RNF220: variants seen among roughly 807,000 people sequenced by gnomAD.
RNF220 encodes the protein E3 ubiquitin-protein ligase RNF220.
In RNF220, 7 loss-of-function variants were observed where a neutral mutation model predicts 67.1. The ratio of observed to expected loss-of-function variants is 0.10; its 90% CI spans 0.06 to 0.20. The LOEUF is 0.20. Ranked by LOEUF, RNF220 falls within the 10% of genes least tolerant of loss-of-function variation. The pLI is 1.00. For missense variants in RNF220, 565 were observed against 740.3 expected, an observed-to-expected ratio of 0.76 and a Z score of 2.75; for synonymous variants, 270 against 283.2, an observed-to-expected ratio of 0.95 and a Z score of 0.47.
At chr1:44,611,032 G>A (rs1435973558) in intron 2 of RNF220, among the ~76,000 whole-genome samples, 1 of 152,198 alleles carries the variant, frequency 6.6e-6, no homozygotes, top group African/African-American at 2.4e-5. Context: ...CATTAAACCT[G>A]GGCAGGCCAT....
chr1:44,614,294 C>T lies in RNF220; in HGVS notation c.755C>T (p.Ser252Leu), dbSNP rs1200318285. The T allele has an allele frequency of 3.7e-6, 6 of 1,613,578 alleles. No homozygotes were observed. Among genetic ancestry groups the T allele is most frequent in the East Asian group, 2.2e-5 (1 of 44,868 alleles). Residue 252 changes from serine (S) to leucine (L), a missense_variant, in exon 3 of 15, where the codon TCG becomes TTG. Transcript: ENST00000361799. The stretch of plus-strand genomic sequence containing the variant: ...CTGGAGCAGCTAGCCCAACTGCCCT[C>T]GAGGTAAGCCACCTCCCAGGGAGCC... The part of the protein sequence containing the change: ...QELEQLAQLP[S>L]SKNSLLKDAM...
intron 8 of RNF220, among the ~76,000 whole-genome samples, chr1:44,640,646 C>T (rs1644461433): frequency 6.6e-6 from 1 of 152,232 alleles, no homozygotes; most frequent in Non-Finnish European, 1.5e-5. Context: ...CACACGCCAA[C>T]TCCCTGCCTC....
At chr1:44,459,906 T>A (rs1557946570) in intron 2 of RNF220, among the ~76,000 whole-genome samples, 4 of 152,098 alleles carry the variant, frequency 2.6e-5, no homozygotes. Context: ...ACCGAAACAG[T>A]CAGGAAGTCA....
chr1:44,639,508 C>CT (rs1644427241), intron 8 of RNF220, among the ~76,000 whole-genome samples: 1 of 152,248 alleles, frequency 6.6e-6, no homozygotes, highest in African/African-American at 2.4e-5. Flanking sequence ...AAGCCTGCAG[C>CT]TGTATCTTTA....
At chr1:44,431,326 C>G (rs993008303) in intron 2 of RNF220, among the ~76,000 whole-genome samples, 2 of 151,870 alleles carry the variant, frequency 1.3e-5, no homozygotes, top group Admixed American at 6.6e-5. Context: ...CCTGTCTCTT[C>G]TAAAAATACA....
intron 2 of RNF220, among the ~76,000 whole-genome samples, chr1:44,561,884 T>C (rs1405883776): frequency 6.6e-6 from 1 of 152,024 alleles, no homozygotes; most frequent in African/African-American, 2.4e-5. Context: ...GCCTCTGCAC[T>C]CCAGCCTGGT....
At chr1:44,464,845 G>T (rs543487201) in intron 2 of RNF220, among the ~76,000 whole-genome samples, 2 of 152,136 alleles carry the variant, frequency 1.3e-5, no homozygotes, top group Admixed American at 6.5e-5. Flanking sequence ...CCTTGTCTCT[G>T]GTCTCATCCT....
intron 2 of RNF220, among the ~76,000 whole-genome samples, chr1:44,451,042 G>A (rs1652617875): frequency 1.3e-5 from 2 of 152,134 alleles, no homozygotes; most frequent in South Asian, 2.1e-4. Context: ...AATTAGCGGG[G>A]CGTGGTGGCG....
intron 2 of RNF220, among the ~76,000 whole-genome samples, chr1:44,505,137 G>T (rs530542382): frequency 6.6e-6 from 1 of 152,244 alleles, no homozygotes; most frequent in South Asian, 2.1e-4. Context: ...TTTGTCCCTC[G>T]TGCAGCATCA....
chr1:44,415,504 T>TAC lies in RNF220; in HGVS notation c.625+2801_625+2802dup, dbSNP rs386366838. ...CCAAATTAACCATATATGGTTGATA[T>TAC]ACACACACACACACACACACGTGTA... On this transcript the variant is annotated intron_variant, in intron 2 of 14. Transcript: ENST00000361799. Among the ~76,000 whole-genome samples, 520 of 150,960 alleles carry TAC rather than the reference T, an allele frequency of 3.4e-3. 1 individual carries two copies. The highest frequency in any genetic ancestry group is 0.02 in the East Asian group (103 of 5,118).
chr1:44,567,158 G>C (rs1387048420), intron 2 of RNF220, among the ~76,000 whole-genome samples: 1 of 152,184 alleles, frequency 6.6e-6, no homozygotes, highest in Non-Finnish European at 1.5e-5. Context: ...TTCCTTATCA[G>C]GGTGCGGGAG....
intron 2 of RNF220, among the ~76,000 whole-genome samples, chr1:44,467,496 C>A (rs1007846397): frequency 2.0e-5 from 3 of 152,228 alleles, no homozygotes; most frequent in Admixed American, 6.5e-5. Context: ...CAGGCGTGAG[C>A]CACCGCACCT....
intron 2 of RNF220, among the ~76,000 whole-genome samples, chr1:44,448,232 G>C (rs1011262914): frequency 2.0e-5 from 3 of 152,252 alleles, no homozygotes; most frequent in Non-Finnish European, 2.9e-5. Context: ...CTGCGAGGCA[G>C]AGGTTGCAGT....
intron 5 of RNF220, among the ~76,000 whole-genome samples, chr1:44,630,129 G>A (rs1644073878): frequency 6.6e-6 from 1 of 152,114 alleles, no homozygotes; most frequent in Non-Finnish European, 1.5e-5. Flanking sequence ...ATAGAGACAG[G>A]GTCTCACTAT....
rs1241856920 is a variant in RNF220, at chr1:44,417,383, T to C, written c.625+4661T>C. On this transcript the variant is annotated intron_variant, in intron 2 of 14. Transcript: ENST00000361799. The surrounding 1 kb of genome is among the most constrained non-coding windows in gnomAD (Gnocchi z 4.0). ...ATTGTCTTGTTGGGATAAAGAAATG[T>C]TTGCACAGCTAAAGTGGGGCCAGGC... 6.6e-6 allele frequency among the ~76,000 whole-genome samples: 1 copy of C among 151,330 alleles called. No individual in the cohort carries two copies. The highest frequency in any genetic ancestry group is 1.5e-5 in the Non-Finnish European group (1 of 67,344).
At chr1:44,526,426 AC>A (rs1177066531) in intron 2 of RNF220, among the ~76,000 whole-genome samples, 1 of 151,998 alleles carries the variant, frequency 6.6e-6, no homozygotes, top group East Asian at 1.9e-4. Flanking sequence ...TCCCTCCCTA[AC>A]CTTGGCCTCA....
rs1663966975 is a variant in RNF220 at position 44,565,929 on chromosome 1, C to T, written c.626-48236C>T. On this transcript the variant is annotated intron_variant, in intron 2 of 14. Transcript: ENST00000361799. The surrounding 1 kb of genome is among the most constrained non-coding windows in gnomAD (Gnocchi z 4.2). ...TGCTGCTTCTCACTCCCCACCTCAG[C>T]CTCTCGCCCTCCCTCTCTGCTCCAC... Among the ~76,000 whole-genome samples, 1 of 152,150 alleles carries T rather than the reference C, an allele frequency of 6.6e-6. No homozygotes were observed. Among genetic ancestry groups the T allele is most frequent in the Admixed American group, 6.5e-5 (1 of 15,274 alleles).
chr1:44,642,037 T>C (rs751737076), intron 8 of RNF220, among the ~76,000 whole-genome samples: 1 of 152,252 alleles, frequency 6.6e-6, no homozygotes, highest in African/African-American at 2.4e-5. Context: ...GTTTAGCCAG[T>C]ACTGCTGGGG....
intron 2 of RNF220, among the ~76,000 whole-genome samples, chr1:44,566,092 C>T (rs1663985735): frequency 6.6e-6 from 1 of 152,188 alleles, no homozygotes; most frequent in Admixed American, 6.5e-5. Context: ...TGTTCAGTTA[C>T]TCTGTCCCTC....
Sources: allele counts gnomAD v4.1 joint callset (sites outside exome capture counted in the v4.1 genomes callset), GRCh38; gene constraint gnomAD v4.1.1; non-coding constraint Gnocchi (gnomAD v3.1); transcripts MANE v1.5; gene names NCBI Gene and HGNC (gene_info 2026-07-23, HGNC 2026-07-21).